The following CWC27 variants were observed in gnomAD, a reference collection of about 807,000 sequenced individuals.
The protein encoded by CWC27 is CWC27 spliceosome associated cyclophilin.
In CWC27, 47 loss-of-function variants were observed where a neutral mutation model predicts 63.6. The observed-to-expected ratio is 0.74, with a 90% CI of 0.58 to 0.94. The LOEUF (loss-of-function observed/expected upper bound fraction) is 0.94, where lower values mean the gene tolerates loss of function less well. Ranked by LOEUF, CWC27 falls within the 40% of genes least tolerant of loss-of-function variation. The pLI, the probability that CWC27 is intolerant of heterozygous loss-of-function variation, is 0.00. For missense variants in CWC27, 495 were observed against 554.3 expected, an observed-to-expected ratio of 0.89 and a Z score of 1.07; for synonymous variants, 175 against 179.8, an observed-to-expected ratio of 0.97 and a Z score of 0.22.
At chr5:64,777,170 A>G (rs191283439) in intron 2 of CWC27, among the ~76,000 whole-genome samples, 58 of 152,230 alleles carry the variant, frequency 3.8e-4, no homozygotes, top group Admixed American at 9.8e-4. Flanking sequence ...AATGTTTAAT[A>G]CATTGTGTGA....
intron 10 of CWC27, among the ~76,000 whole-genome samples, chr5:64,829,959 C>T (rs1745470697): frequency 6.9e-6 from 1 of 145,466 alleles, no homozygotes; most frequent in Non-Finnish European, 1.5e-5. Flanking sequence ...CATGTCCCTG[C>T]AAAGAACATG....
chr5:64,965,691 G>T (rs1407611383), intron 11 of CWC27, among the ~76,000 whole-genome samples: 1 of 151,980 alleles, frequency 6.6e-6, no homozygotes, highest in East Asian at 1.9e-4. Context: ...TTTTGCAATC[G>T]ATTTTTTACT....
chr5:64,974,735 C>T (rs1749193660), intron 12 of CWC27, among the ~76,000 whole-genome samples: 1 of 152,042 alleles, frequency 6.6e-6, no homozygotes, highest in Non-Finnish European at 1.5e-5. Context: ...CACATACATA[C>T]ACACACACAT....
At chr5:64,968,534 T>C (rs539870363) in intron 11 of CWC27, among the ~76,000 whole-genome samples, 1 of 152,282 alleles carries the variant, frequency 6.6e-6, no homozygotes, top group East Asian at 1.9e-4. Flanking sequence ...TATTCAGTTA[T>C]GCAAAGGAAC....
chr5:64,853,285 G>C (rs1459141146), intron 10 of CWC27, among the ~76,000 whole-genome samples: 1 of 152,138 alleles, frequency 6.6e-6, no homozygotes, highest in Non-Finnish European at 1.5e-5. Context: ...CTTGAATCAT[G>C]AACCTCTGTT....
At chr5:64,808,113 A>G (rs952871425) in intron 10 of CWC27, 7 of 1,118,636 alleles carry the variant, frequency 6.3e-6, no homozygotes, top group East Asian at 6.5e-5. Flanking sequence ...AAGCAGTAGC[A>G]TTAGTATCAC....
chr5:64,844,168 G>A (rs1745915406), intron 10 of CWC27, among the ~76,000 whole-genome samples: 1 of 152,182 alleles, frequency 6.6e-6, no homozygotes, highest in African/African-American at 2.4e-5. Context: ...CAGGGGGGAA[G>A]GGAATTGGAT....
intron 13 of CWC27, 81 bp from the exon 14 acceptor site, chr5:65,018,078 A>T: frequency 4.1e-6 from 5 of 1,223,064 alleles, no homozygotes; most frequent in Non-Finnish European, 4.5e-6. Flanking sequence ...ATGTTTCATT[A>T]TGTCGATGAT....
chr5:64,943,170 A>G (rs1212270690), intron 11 of CWC27, among the ~76,000 whole-genome samples: 1 of 152,220 alleles, frequency 6.6e-6, no homozygotes, highest in African/African-American at 2.4e-5. Context: ...AGATGGAGAC[A>G]AGGGAAAAAA....
chr5:65,016,591 T>C (rs1197793043), intron 13 of CWC27, among the ~76,000 whole-genome samples: 2 of 152,292 alleles, frequency 1.3e-5, no homozygotes, highest in South Asian at 4.2e-4. Context: ...CAGTAAGCTT[T>C]CTCAGGTGGG....
chr5:65,001,986 T>C (rs1394449872), intron 13 of CWC27, among the ~76,000 whole-genome samples: 1 of 152,052 alleles, frequency 6.6e-6, no homozygotes, highest in Admixed American at 6.6e-5. Context: ...CTGATTCAAT[T>C]CCATTGCTTT....
intron 11 of CWC27, among the ~76,000 whole-genome samples, chr5:64,939,850 A>G (rs1412267126): frequency 3.3e-5 from 5 of 152,160 alleles, no homozygotes; most frequent in Admixed American, 3.3e-4. Flanking sequence ...GTCTGGCTAC[A>G]GCGGCTTTGC....
chr5:65,014,355 T>C (rs949887365), intron 13 of CWC27, among the ~76,000 whole-genome samples: 2 of 148,142 alleles, frequency 1.4e-5, no homozygotes, highest in Non-Finnish European at 3.0e-5. Flanking sequence ...TAGCTATATA[T>C]TATATATAAC....
chr5:65,003,406 C>T (rs1399170163), intron 13 of CWC27, among the ~76,000 whole-genome samples: 1 of 151,994 alleles, frequency 6.6e-6, no homozygotes, highest in Non-Finnish European at 1.5e-5. Flanking sequence ...CTTTCTTCTT[C>T]TCCTATTTTT....
intron 10 of CWC27, among the ~76,000 whole-genome samples, chr5:64,861,741 C>T (rs1006301901): frequency 1.3e-5 from 2 of 152,082 alleles, no homozygotes; most frequent in Non-Finnish European, 2.9e-5. Flanking sequence ...TATGTGCTTC[C>T]ATTAACAGCA....
chr5:64,990,266 G>GTTTT (rs70983657), intron 13 of CWC27, among the ~76,000 whole-genome samples: 3 of 33,244 alleles, frequency 9.0e-5, no homozygotes, highest in Non-Finnish European at 1.2e-4. Context: ...TTTTTTTTTT[G>GTTTT]TTTTTTTTTT....
intron 11 of CWC27, among the ~76,000 whole-genome samples, chr5:64,943,764 A>G: frequency 6.6e-6 from 1 of 152,174 alleles, no homozygotes; most frequent in Non-Finnish European, 1.5e-5. Context: ...ATAGAAAAGC[A>G]TCCAAAACAG....
chr5:64,936,784 A>C (rs900992718), intron 11 of CWC27, among the ~76,000 whole-genome samples: 7 of 152,182 alleles, frequency 4.6e-5, no homozygotes, highest in African/African-American at 1.7e-4. Flanking sequence ...AGAACTTGTT[A>C]TTGGTCTATT....
chr5:64,993,013 G>A (rs879695941), intron 13 of CWC27, among the ~76,000 whole-genome samples: 1 of 152,028 alleles, frequency 6.6e-6, no homozygotes, highest in Non-Finnish European at 1.5e-5. Flanking sequence ...AGAATGCCTG[G>A]GTTCAAATCC....
Sources: allele counts gnomAD v4.1 joint callset (sites outside exome capture counted in the v4.1 genomes callset), GRCh38; gene constraint gnomAD v4.1.1; transcripts MANE v1.5; gene names NCBI Gene and HGNC (gene_info 2026-07-23, HGNC 2026-07-21).